Variants in MND1 observed in about 807,000 individuals in gnomAD.
The protein encoded by MND1 is meiotic nuclear division protein 1 homolog.
In MND1, 28 loss-of-function variants were observed where a neutral mutation model predicts 35.1. That is an observed-to-expected ratio of 0.80 (90% CI 0.59 to 1.09). MND1 has a LOEUF of 1.09. Among genes scored for constraint, MND1 ranks in the 50% least tolerant of loss-of-function variants. MND1 has a pLI of 0.00. For missense variants in MND1, 213 were observed against 239.6 expected, an observed-to-expected ratio of 0.89 and a Z score of 0.73; for synonymous variants, 69 against 70.5, an observed-to-expected ratio of 0.98 and a Z score of 0.11.
Position 153,384,443 on chromosome 4 carries a change from A to ATTTTTTTTTTTTTTTTTTTT in MND1, c.277-9809_277-9790dup, listed in dbSNP as rs561004288. ...TGCCACCATGCCCAGCTAATGTTTA[A>ATTTTTTTTTTTTTTTTTTTT]TTTTTTTTTTTTTTTTTTTTTTTTT... On this transcript the variant is annotated intron_variant, in intron 4 of 7. Coordinates refer to ENST00000240488, the MANE Select transcript of MND1 (RefSeq NM_032117.4). Among the ~76,000 whole-genome samples the ATTTTTTTTTTTTTTTTTTTT allele has an allele frequency of 2.4e-4, 15 of 63,192 alleles. 2 individuals carry two copies. The highest frequency in any genetic ancestry group is 3.0e-4 in the Non-Finnish European group (10 of 33,692). 41.5% of individuals were successfully genotyped at this position (63,192 alleles called of 152,430 possible). A position where few individuals can be genotyped will look rare whatever the true frequency, so the allele number is the denominator to read the frequency against.
intron 4 of MND1, among the ~76,000 whole-genome samples, chr4:153,374,046 A>G (rs1216615477): frequency 1.3e-5 from 2 of 152,190 alleles, no homozygotes; most frequent in African/African-American, 4.8e-5. Flanking sequence ...GCTGTACAAT[A>G]TTAGAAAAAT....
At position 153,377,043 on chromosome 4, in the gene MND1, T is replaced by C. The variant is rs529834153; in HGVS notation, c.277-17219T>C. Among the ~76,000 whole-genome samples, 23 of 152,272 alleles carry C rather than the reference T, an allele frequency of 1.5e-4. 1 individual carries two copies. The highest frequency in any genetic ancestry group is 5.5e-4 in the African/African-American group (23 of 41,562). The stretch of plus-strand genomic sequence containing the variant: ...CTGAGTTTTATTTAAAGTTAATGGG[T>C]CAGAATTATGAAAATCAAAATCTTT... On this transcript the variant is annotated intron_variant, in intron 4 of 7. Coordinates refer to ENST00000240488, the MANE Select transcript of MND1 (RefSeq NM_032117.4).
intron 2 of MND1, among the ~76,000 whole-genome samples, chr4:153,350,966 A>C (rs912329639): frequency 1.1e-3 from 165 of 151,584 alleles, no homozygotes; most frequent in African/African-American, 2.8e-3. Context: ...AAAAAAAAAA[A>C]AAACAAACAA....
chr4:153,367,413 G>C (rs1243606844), intron 4 of MND1, among the ~76,000 whole-genome samples: 2 of 152,186 alleles, frequency 1.3e-5, no homozygotes, highest in Non-Finnish European at 2.9e-5. Context: ...ATAATATGTA[G>C]TCTTTCATGA....
At chr4:153,405,919 C>T (rs889599130) in intron 6 of MND1, among the ~76,000 whole-genome samples, 1 of 152,106 alleles carries the variant, frequency 6.6e-6, no homozygotes, top group Non-Finnish European at 1.5e-5. Flanking sequence ...ATTCTCCTGC[C>T]TCAACCTCCG....
chr4:153,357,433 C>T (rs2033881), intron 3 of MND1, among the ~76,000 whole-genome samples: 36,614 of 152,062 alleles, frequency 0.24, 4,565 homozygotes, highest in African/African-American at 0.3. Flanking sequence ...TTTTGACTCC[C>T]CCAAAACTTA....
chr4:153,352,366 A>G (rs1176206435), intron 2 of MND1, among the ~76,000 whole-genome samples: 1 of 152,192 alleles, frequency 6.6e-6, no homozygotes, highest in East Asian at 1.9e-4. Context: ...CTTAGGAAGA[A>G]CATGAGAACA....
In MND1 at chr4:153,381,701, T is replaced by A. The variant is rs1484047085; in HGVS notation, c.277-12561T>A. On this transcript the variant is annotated intron_variant, in intron 4 of 7. Coordinates refer to ENST00000240488, the MANE Select transcript of MND1 (RefSeq NM_032117.4). ...ATATATATATATATATATTTTTTTT[T>A]TTTTTTTTTTTTTTTTTTTTTTAAG... is the stretch of plus-strand genomic sequence containing the variant. 165 of 54,550 alleles carry A rather than the reference T, an allele frequency of 3.0e-3. 4 individuals are homozygous for A. The highest frequency in any genetic ancestry group is 0.018 in the African/African-American group (139 of 7,822). 3.4% of individuals were successfully genotyped at this position (54,550 alleles called of 1,614,324 possible).
At chr4:153,362,809 A>T (rs1773528197) in intron 4 of MND1, among the ~76,000 whole-genome samples, 1 of 152,104 alleles carries the variant, frequency 6.6e-6, no homozygotes, top group Non-Finnish European at 1.5e-5. Context: ...TCTGTGAAAT[A>T]GTGGTTTAGG....
intron 1 of MND1, among the ~76,000 whole-genome samples, chr4:153,344,950 C>T (rs1773035474): frequency 6.6e-6 from 1 of 152,176 alleles, no homozygotes; most frequent in Non-Finnish European, 1.5e-5. Flanking sequence ...CGCTCCTGTC[C>T]GGAGTCCCGA....
At chr4:153,351,159 AAAGT>A (rs1411076021) in intron 2 of MND1, among the ~76,000 whole-genome samples, 1 of 152,188 alleles carries the variant, frequency 6.6e-6, no homozygotes, top group Non-Finnish European at 1.5e-5. Context: ...CTCAGCAAGA[AAAGT>A]AAGTTTAATT....
intron 4 of MND1, among the ~76,000 whole-genome samples, chr4:153,385,090 C>T (rs1728816604): frequency 6.6e-6 from 1 of 152,178 alleles, no homozygotes; most frequent in Non-Finnish European, 1.5e-5. Context: ...GTGAAAAGAT[C>T]TGAGCCAATA....
chr4:153,351,897 A>G (rs1773224540), intron 2 of MND1, among the ~76,000 whole-genome samples: 1 of 152,228 alleles, frequency 6.6e-6, no homozygotes. Context: ...GGTAAGATAC[A>G]GGGGGATTTT....
intron 4 of MND1, among the ~76,000 whole-genome samples, chr4:153,386,641 G>T (rs1020321191): frequency 1.3e-5 from 2 of 152,060 alleles, no homozygotes; most frequent in African/African-American, 4.8e-5. Context: ...ACTTGAACCC[G>T]GGAGGTGGAG....
At chr4:153,354,398 C>CT (rs1773291445) in intron 2 of MND1, among the ~76,000 whole-genome samples, 1 of 152,242 alleles carries the variant, frequency 6.6e-6, no homozygotes, top group Non-Finnish European at 1.5e-5. Context: ...AAGCAAAGCA[C>CT]TGTCTGTGTT....
At chr4:153,369,535 G>A (rs943900014) in intron 4 of MND1, among the ~76,000 whole-genome samples, 2 of 152,178 alleles carry the variant, frequency 1.3e-5, no homozygotes, top group Non-Finnish European at 2.9e-5. Flanking sequence ...TATTAAATAT[G>A]TGATAACATG....
chr4:153,347,251 T>C (rs1773096121), intron 1 of MND1, among the ~76,000 whole-genome samples: 1 of 152,198 alleles, frequency 6.6e-6, no homozygotes, highest in Non-Finnish European at 1.5e-5. Flanking sequence ...GGGAGGCAAA[T>C]AGAGCAGTCC....
chr4:153,346,756 G>A (rs1165404709), intron 1 of MND1, among the ~76,000 whole-genome samples: 2 of 152,184 alleles, frequency 1.3e-5, no homozygotes, highest in East Asian at 1.9e-4. Context: ...ACCCCAGGAC[G>A]CTAGATTCTC....
chr4:153,393,924 C>CTTTTTTTTTTTTTTTTTTTT (rs36028750), intron 4 of MND1, among the ~76,000 whole-genome samples: 1 of 56,464 alleles, frequency 1.8e-5, no homozygotes, highest in African/African-American at 7.1e-5. Flanking sequence ...ACTTTGTTTT[C>CTTTTTTTTTTTTTTTTTTTT]TTTTTTTTTT....
Sources: allele counts gnomAD v4.1 joint callset (sites outside exome capture counted in the v4.1 genomes callset), GRCh38; gene constraint gnomAD v4.1.1; transcripts MANE v1.5; gene names NCBI Gene and HGNC (gene_info 2026-07-23, HGNC 2026-07-21).